The following TIAL1 variants were observed in gnomAD, a reference collection of about 807,000 sequenced individuals.
The protein encoded by TIAL1 is nucleolysin TIAR.
A neutral mutation model predicts 59.7 loss-of-function variants in TIAL1; 7 were observed. The ratio of observed to expected loss-of-function variants is 0.12; its 90% CI spans 0.07 to 0.22. TIAL1 has a LOEUF of 0.22. Among genes scored for constraint, TIAL1 ranks in the 10% least tolerant of loss-of-function variants. The pLI, the probability that TIAL1 is intolerant of heterozygous loss-of-function variation, is 1.00. For synonymous variants in TIAL1, 149 were observed against 146.3 expected, an observed-to-expected ratio of 1.02 and a Z score of -0.13; for missense variants, 225 against 462.5, an observed-to-expected ratio of 0.49 and a Z score of 4.71.
Position 119,596,516 on chromosome 10 carries a change from AG to A in TIAL1, c.-52del. 5.0e-5 allele frequency: 2 copies of A among 39,614 alleles called. No homozygotes were observed. 2.5% of individuals were successfully genotyped at this position (39,614 alleles called of 1,614,324 possible). On this transcript the variant is annotated 5_prime_UTR_variant, in exon 1 of 12. Coordinates refer to ENST00000436547, the MANE Select transcript of TIAL1 (RefSeq NM_003252.4). ...GACAAGGGGGAGGGCAGGGTTGGGG[AG>A]GGGAGGGGGTGGGGAGGAAGGGGAG...
rs184309371 is a variant in TIAL1, at chr10:119,589,623, T to G, written c.33-1375A>C. ...GACTATGGACACTTAAAAATTTGGG[T>G]TTTTTTTCCTAATTACAATTGAATG... On this transcript the variant is annotated intron_variant, in intron 1 of 11. Transcript: ENST00000436547. Among the ~76,000 whole-genome samples the G allele has an allele frequency of 3.3e-3, 498 of 152,066 alleles. 1 individual carries two copies. The highest frequency in any genetic ancestry group is 0.01 in the South Asian group (49 of 4,828).
chr10:119,579,805 T>C (rs1168551835), intron 6 of TIAL1, 130 bp downstream of exon 6: 3 of 617,092 alleles, frequency 4.9e-6, no homozygotes, highest in East Asian at 6.1e-5. Context: ...TATTAAAACA[T>C]ACATAACATT....
chr10:119,576,847 C>T, intron 10 of TIAL1, 97 bp from the exon 11 acceptor site: 3 of 1,498,922 alleles, frequency 2.0e-6, no homozygotes, highest in Non-Finnish European at 2.7e-6. Context: ...AAGTAAGCAC[C>T]CTTATGTGAA....
intron 9 of TIAL1, 123 bp downstream of exon 9, chr10:119,577,328 G>A: frequency 7.0e-7 from 1 of 1,434,084 alleles, no homozygotes; most frequent in East Asian, 2.4e-5. Flanking sequence ...CATTAGGTAG[G>A]TAGCTTAAAC....
intron 1 of TIAL1, 131 bp downstream of exon 1, chr10:119,596,303 G>C (rs1846186374): frequency 3.3e-6 from 3 of 922,048 alleles, no homozygotes; most frequent in African/African-American, 3.2e-5. Flanking sequence ...AATGCACTTC[G>C]CGTCCACGCC....
At chr10:119,595,334 CA>C (rs1246721263) in intron 1 of TIAL1, among the ~76,000 whole-genome samples, 9 of 151,726 alleles carry the variant, frequency 5.9e-5, no homozygotes, top group Admixed American at 1.3e-4. Flanking sequence ...AGAAACAAAG[CA>C]GCGATCTGAC....
At chr10:119,584,819 A>C (rs971179820) in intron 2 of TIAL1, among the ~76,000 whole-genome samples, 1 of 151,738 alleles carries the variant, frequency 6.6e-6, no homozygotes. Context: ...ACAGAGCCAG[A>C]CTCTGTCTCA....
intron 7 of TIAL1, 55 bp downstream of exon 7, chr10:119,578,671 G>T: frequency 7.2e-7 from 1 of 1,396,778 alleles, no homozygotes; most frequent in Non-Finnish European, 1.0e-6. Context: ...ATGAATACAT[G>T]ATACATGATT....
chr10:119,596,394 G>T, intron 1 of TIAL1, 40 bp downstream of exon 1: 3 of 1,610,218 alleles, frequency 1.9e-6, no homozygotes, highest in Non-Finnish European at 2.5e-6. Context: ...GCGGTGCCCG[G>T]GCCTCTTGGC....
chr10:119,584,165 G>C (rs1363855029), intron 2 of TIAL1, among the ~76,000 whole-genome samples: 1 of 151,204 alleles, frequency 6.6e-6, no homozygotes, highest in Non-Finnish European at 1.5e-5. Flanking sequence ...CCCAATCAAT[G>C]TATGCACGTG....
Position 119,575,518 on chromosome 10 carries a change from C to A in TIAL1, c.*147G>T. The A allele has an allele frequency of 9.5e-7, 1 of 1,049,852 alleles. No homozygotes were observed. 65.0% of individuals were successfully genotyped at this position (1,049,852 alleles called of 1,614,324 possible). A position where few individuals can be genotyped will look rare whatever the true frequency, so the allele number is the denominator to read the frequency against. ...GCAGAACTAGAAGACACGTGTCCTT[C>A]ACCAAAGCAAATCTGTGCTAAAGGT... On this transcript the variant is annotated 3_prime_UTR_variant, in exon 12 of 12. Coordinates refer to ENST00000436547, the MANE Select transcript of TIAL1 (RefSeq NM_003252.4).
chr10:119,576,758 AAAGC>A lies in TIAL1; in HGVS notation c.862-12_862-9del. On this transcript the variant is annotated splice_polypyrimidine_tract_variant and intron_variant, in intron 10 of 11. Coordinates refer to ENST00000436547, the MANE Select transcript of TIAL1 (RefSeq NM_003252.4). The stretch of plus-strand genomic sequence containing the variant: ...CCATTGACTATAGTCAACCTAGGAA[AAAGC>A]AAAGTATTGTTTTAGGGAACACATA... 6.2e-7 allele frequency: 1 copy of A among 1,612,012 alleles called. No homozygotes were observed. Among genetic ancestry groups the A allele is most frequent in the Non-Finnish European group, 8.5e-7 (1 of 1,179,518 alleles).
In TIAL1 at chr10:119,577,546, A is replaced by C; in HGVS notation, c.653-11T>G. 1 of 1,612,652 alleles carries C rather than the reference A, an allele frequency of 6.2e-7. No individual in the cohort carries two copies. Among genetic ancestry groups the C allele is most frequent in the East Asian group, 2.2e-5 (1 of 44,854 alleles). On this transcript the variant is annotated splice_polypyrimidine_tract_variant and intron_variant, in intron 8 of 11. Transcript: ENST00000436547. ...GTCTCATAAGCTGATCTATAAAACA[A>C]AACATACAAATAAAACATGGCTGAT...
chr10:119,585,477 T>C (rs1009673207), intron 2 of TIAL1, among the ~76,000 whole-genome samples: 1 of 151,488 alleles, frequency 6.6e-6, no homozygotes, highest in Non-Finnish European at 1.5e-5. Flanking sequence ...AAATCCGTTA[T>C]GTCCCTACCT....
Position 119,591,394 on chromosome 10 carries a change from C to T in TIAL1, c.33-3146G>A, listed in dbSNP as rs147481671. 1.9e-4 allele frequency among the ~76,000 whole-genome samples: 28 copies of T among 149,030 alleles called. No individual in the cohort carries two copies. The East Asian group carries it at 4.9e-3, about 26-fold the overall frequency. On this transcript the variant is annotated intron_variant, in intron 1 of 11. Coordinates refer to ENST00000436547, the MANE Select transcript of TIAL1 (RefSeq NM_003252.4). Reference sequence around the variant, plus strand: ...GGCACTCCAGCCTGGGCAACAAGAGCGAAACTCCATCTGAAAAAAAAAAAA... The same window carrying T: ...GGCACTCCAGCCTGGGCAACAAGAGTGAAACTCCATCTGAAAAAAAAAAAA...
intron 1 of TIAL1, chr10:119,593,415 T>A (rs1282656313): frequency 1.1e-6 from 1 of 914,696 alleles, no homozygotes; most frequent in African/African-American, 1.8e-5. Context: ...TCAAATAAAT[T>A]AGTAATACTG....
intron 1 of TIAL1, 129 bp downstream of exon 1, chr10:119,596,305 G>A: frequency 2.1e-6 from 2 of 970,052 alleles, no homozygotes; most frequent in Non-Finnish European, 3.2e-6. Flanking sequence ...TGCACTTCGC[G>A]TCCACGCCGC....
chr10:119,575,794 TG>T lies in TIAL1; in HGVS notation c.1002-4del. On this transcript the variant is annotated splice_region_variant and splice_polypyrimidine_tract_variant and intron_variant, in intron 11 of 11. Transcript: ENST00000436547. ...TCCAAGCAGCAGAAGGTGATTGACT[TG>T]GAAGAAAAAGAAAAAATCTTCAGCA... The T allele has an allele frequency of 6.6e-7, 1 of 1,519,520 alleles. No homozygotes were observed. The allele number at this position is 1,519,520 out of a possible 1,614,324, so 94.1% of individuals were successfully genotyped here. A position where few individuals can be genotyped will look rare whatever the true frequency, so the allele number is the denominator to read the frequency against.
chr10:119,581,627 CTTTAT>C (rs746750311), intron 5 of TIAL1: 9 of 232,754 alleles, frequency 3.9e-5, no homozygotes, highest in East Asian at 3.6e-4. Flanking sequence ...AAAAGCTAGA[CTTTAT>C]AAGTTTTACC....
Sources: allele counts gnomAD v4.1 joint callset (sites outside exome capture counted in the v4.1 genomes callset), GRCh38; gene constraint gnomAD v4.1.1; transcripts MANE v1.5; gene names NCBI Gene and HGNC (gene_info 2026-07-23, HGNC 2026-07-21).